The following GPCPD1 variants were observed in gnomAD, a reference collection of about 807,000 sequenced individuals.
GPCPD1 encodes the protein glycerophosphocholine phosphodiesterase 1.
A neutral mutation model predicts 89.2 loss-of-function variants in GPCPD1; 29 were observed. The ratio of observed to expected loss-of-function variants is 0.33; its 90% CI spans 0.24 to 0.44. The LOEUF is 0.44. GPCPD1 is among the 20% of genes least tolerant of loss of function. The pLI, the probability that GPCPD1 is intolerant of heterozygous loss-of-function variation, is 1.00. For missense variants in GPCPD1, 594 were observed against 808.9 expected, an observed-to-expected ratio of 0.73 and a Z score of 3.22; for synonymous variants, 258 against 266.3, an observed-to-expected ratio of 0.97 and a Z score of 0.30.
At chr20:5,569,212 T>C (rs1986569846) in intron 12 of GPCPD1, among the ~76,000 whole-genome samples, 1 of 150,784 alleles carries the variant, frequency 6.6e-6, no homozygotes, top group Non-Finnish European at 1.5e-5. Flanking sequence ...ATCCAACCCC[T>C]AGGAACTCTG....
intron 1 of GPCPD1, among the ~76,000 whole-genome samples, chr20:5,608,156 T>G (rs1980722278): frequency 1.3e-5 from 2 of 152,146 alleles, no homozygotes; most frequent in Admixed American, 1.3e-4. Context: ...ATGGAAAACT[T>G]AAGTAAATAT....
rs771909459 is a variant in GPCPD1 at position 5,607,811 on chromosome 20, CTG to C, written c.-29+3029_-29+3030del. On this transcript the variant is annotated intron_variant, in intron 1 of 19. Transcript: ENST00000379019. ...CCTGCCTGTGTGACAGAATGAGACT[CTG>C]TCTCAAATAAAAAAAAAAAAAAAAA... Among the ~76,000 whole-genome samples the C allele has an allele frequency of 3.1e-3, 411 of 133,886 alleles. 1 individual carries two copies. The highest frequency in any genetic ancestry group is 7.7e-3 in the Middle Eastern group (2 of 260). 87.8% of individuals were successfully genotyped at this position (133,886 alleles called of 152,430 possible).
Position 5,566,772 on chromosome 20 carries a change from G to A in GPCPD1, c.1228C>T (p.Leu410Phe). 1 of 1,578,142 alleles carries A rather than the reference G, an allele frequency of 6.3e-7. No homozygotes were observed. Among genetic ancestry groups the A allele is most frequent in the Non-Finnish European group, 8.7e-7 (1 of 1,147,424 alleles). The change falls in exon 14 of 20, where the codon CTC (leucine) becomes TTC (phenylalanine). Residue 410 changes from leucine to phenylalanine, a missense_variant and splice_region_variant. Leu to Phe is a conservative substitution (Grantham distance 22). Coordinates refer to ENST00000379019, the MANE Select transcript of GPCPD1 (RefSeq NM_019593.5). ...LTFDQLQLLK[L>F]THVTALKSKD... is the part of the protein sequence containing the mutation. ...GATTTCAGTGCAGTCACATGAGTGAGCTAGAAAGCACACAAACAAAATGAA... is the reference window on the plus strand; with the variant it reads ...GATTTCAGTGCAGTCACATGAGTGAACTAGAAAGCACACAAACAAAATGAA...
At chr20:5,571,622 T>G (rs1487378477) in intron 11 of GPCPD1, among the ~76,000 whole-genome samples, 1 of 152,102 alleles carries the variant, frequency 6.6e-6, no homozygotes, top group Non-Finnish European at 1.5e-5. Flanking sequence ...TATCTAAAAA[T>G]TATTGGCAGG....
intron 19 of GPCPD1, among the ~76,000 whole-genome samples, chr20:5,551,773 A>C (rs1479616324): frequency 6.6e-6 from 1 of 152,152 alleles, no homozygotes; most frequent in African/African-American, 2.4e-5. Flanking sequence ...TCTCAAAAAA[A>C]TAAAAAGAAC....
intron 15 of GPCPD1, among the ~76,000 whole-genome samples, chr20:5,563,316 G>A (rs758151942): frequency 7.9e-5 from 12 of 152,026 alleles, no homozygotes; most frequent in Non-Finnish European, 1.6e-4. Flanking sequence ...GGCAAAGTGA[G>A]TAAATGAGTT....
At chr20:5,608,263 G>A (rs576625042) in intron 1 of GPCPD1, among the ~76,000 whole-genome samples, 2 of 152,140 alleles carry the variant, frequency 1.3e-5, no homozygotes, top group African/African-American at 4.8e-5. Context: ...AACAGCTGCA[G>A]TAAATGTACT....
At chr20:5,593,092 C>A (rs1308236337) in intron 4 of GPCPD1, among the ~76,000 whole-genome samples, 2 of 152,132 alleles carry the variant, frequency 1.3e-5, no homozygotes, top group Non-Finnish European at 2.9e-5. Flanking sequence ...ACATTAAAAC[C>A]AATTTCATAA....
chr20:5,608,004 T>G (rs1480610961), intron 1 of GPCPD1, among the ~76,000 whole-genome samples: 5 of 148,596 alleles, frequency 3.4e-5, no homozygotes, highest in African/African-American at 1.2e-4. Flanking sequence ...TATACATGAT[T>G]AAATAGTTTG....
chr20:5,574,151 T>C, intron 10 of GPCPD1, 182 bp from the exon 11 acceptor site: 1 of 588,390 alleles, frequency 1.7e-6, no homozygotes, highest in Non-Finnish European at 3.0e-6. Flanking sequence ...AAATGCAAGC[T>C]CTGACAATGA....
At chr20:5,597,632 T>C (rs1315386272) in intron 3 of GPCPD1, among the ~76,000 whole-genome samples, 1 of 152,216 alleles carries the variant, frequency 6.6e-6, no homozygotes, top group Non-Finnish European at 1.5e-5. Context: ...ACTTGTATGC[T>C]ATTTAGGAAA....
At chr20:5,601,346 GGA>G (rs1423152596) in intron 2 of GPCPD1, among the ~76,000 whole-genome samples, 1 of 149,744 alleles carries the variant, frequency 6.7e-6, no homozygotes, top group Non-Finnish European at 1.5e-5. Flanking sequence ...GGCAATAGAG[GGA>G]GACCCTGTTA....
At chr20:5,564,100 C>G (rs1600727800) in intron 15 of GPCPD1, among the ~76,000 whole-genome samples, 1 of 152,034 alleles carries the variant, frequency 6.6e-6, no homozygotes, top group East Asian at 1.9e-4. Context: ...AAAGCAGAGC[C>G]AGCATCTCCT....
intron 1 of GPCPD1, among the ~76,000 whole-genome samples, chr20:5,606,211 C>A (rs1483907714): frequency 6.6e-6 from 1 of 152,088 alleles, no homozygotes; most frequent in Non-Finnish European, 1.5e-5. Flanking sequence ...GAGATACTTA[C>A]ATAATTTAAA....
At chr20:5,553,055 C>G (rs1391029368) in intron 19 of GPCPD1, among the ~76,000 whole-genome samples, 1 of 152,064 alleles carries the variant, frequency 6.6e-6, no homozygotes, top group Admixed American at 6.6e-5. Flanking sequence ...AGGCATGAAC[C>G]ACCATGCCCC....
chr20:5,599,901 C>G (rs537418428), intron 2 of GPCPD1, among the ~76,000 whole-genome samples: 1 of 152,280 alleles, frequency 6.6e-6, no homozygotes, highest in African/African-American at 2.4e-5. Context: ...CTTTTGAACA[C>G]TTATCAATAG....
chr20:5,581,814 CTTTTTTTTTTTT>C (rs11479995), intron 6 of GPCPD1, among the ~76,000 whole-genome samples: 23 of 75,014 alleles, frequency 3.1e-4, no homozygotes, highest in East Asian at 1.0e-3. Context: ...GGGACTTTAA[CTTTTTTTTTTTT>C]TTTTTTTTTT....
At chr20:5,583,421 G>A (rs951968513) in intron 6 of GPCPD1, among the ~76,000 whole-genome samples, 19 of 151,576 alleles carry the variant, frequency 1.3e-4, no homozygotes, top group Non-Finnish European at 2.2e-4. Flanking sequence ...GGTAGCAGGC[G>A]CCTATAATCC....
Position 5,580,010 on chromosome 20 carries a change from A to G in GPCPD1, c.471T>C (p.Phe157=), listed in dbSNP as rs1219810819. ...GTAACACATAAACATGGTCATACCTAAATCTAGATTTTTTTAATTTTTTCT... is the reference window on the plus strand; with the variant it reads ...GTAACACATAAACATGGTCATACCTGAATCTAGATTTTTTTAATTTTTTCT... The part of the protein sequence containing the change: ...ITKKKLKKSR[F]RVKLTLEGLE... The change falls in exon 7 of 20, where the codon TTT becomes TTC. Residue 157 remains phenylalanine, a splice_region_variant and synonymous_variant. Coordinates refer to ENST00000379019, the MANE Select transcript of GPCPD1 (RefSeq NM_019593.5). 1 of 1,531,546 alleles carries G rather than the reference A, an allele frequency of 6.5e-7. No individual in the cohort carries two copies. Among genetic ancestry groups the G allele is most frequent in the Admixed American group, 1.7e-5 (1 of 58,194 alleles). The allele number at this position is 1,531,546 out of a possible 1,614,324, so 94.9% of individuals were successfully genotyped here. A position where few individuals can be genotyped will look rare whatever the true frequency, so the allele number is the denominator to read the frequency against.
Sources: gnomAD v4.1 joint callset for allele counts (sites outside exome capture counted in the v4.1 genomes callset) on GRCh38, gnomAD v4.1.1 for gene constraint, MANE v1.5 for transcripts, NCBI Gene and HGNC (gene_info 2026-07-23, HGNC 2026-07-21) for gene names.